The following TRIM69 variants were observed in gnomAD, a reference collection of about 807,000 sequenced individuals.
TRIM69 encodes E3 ubiquitin-protein ligase TRIM69.
TRIM69 carries 29 observed loss-of-function variants against 37.7 expected under a neutral mutation model. The observed-to-expected ratio is 0.77, with a 90% CI of 0.57 to 1.05. The LOEUF (loss-of-function observed/expected upper bound fraction) is 1.05. TRIM69 is among the 50% of genes least tolerant of loss of function. The probability of loss-of-function intolerance (pLI) is 0.00; values close to 1 mark genes in which losing one functional copy is unlikely to be tolerated. For synonymous variants in TRIM69, 209 were observed against 212.4 expected (o/e 0.98, Z 0.14); for missense variants, 596 against 579.9 (o/e 1.03, Z -0.28).
intron 6 of TRIM69, among the ~76,000 whole-genome samples, chr15:44,761,456 T>C (rs943107880): frequency 6.6e-6 from 1 of 152,136 alleles, no homozygotes; most frequent in Non-Finnish European, 1.5e-5. Context: ...GGTTTTAATT[T>C]GTATATCTCT....
chr15:44,759,943 G>A, intron 6 of TRIM69, 71 bp downstream of exon 6: 1 of 1,541,504 alleles, frequency 6.5e-7, no homozygotes. Context: ...CTTCTTCTGT[G>A]GCCCTAATTA....
At chr15:44,758,961 A>C in intron 4 of TRIM69, 107 bp downstream of exon 4, 9 of 1,336,100 alleles carry the variant, frequency 6.7e-6, no homozygotes, top group Non-Finnish European at 9.1e-6. Context: ...AAACAAAACA[A>C]AACAAAACAA....
intron 6 of TRIM69, among the ~76,000 whole-genome samples, chr15:44,762,913 G>A (rs2087808011): frequency 2.0e-5 from 3 of 151,808 alleles, no homozygotes; most frequent in Admixed American, 1.3e-4. Context: ...TCTTTTTAAT[G>A]GGCTTTATTT....
intron 2 of TRIM69, among the ~76,000 whole-genome samples, chr15:44,755,653 G>T (rs1405222131): frequency 6.6e-6 from 1 of 152,192 alleles, no homozygotes; most frequent in East Asian, 1.9e-4. Context: ...AATATGGATA[G>T]ATAAGATATT....
intron 1 of TRIM69, among the ~76,000 whole-genome samples, chr15:44,743,861 C>G (rs1457443899): frequency 1.3e-5 from 2 of 152,160 alleles, no homozygotes; most frequent in African/African-American, 2.4e-5. Flanking sequence ...GTTGGTGGGA[C>G]TGTAAACTAG....
intron 1 of TRIM69, chr15:44,754,592 G>T (rs1596027690): frequency 3.2e-6 from 1 of 312,280 alleles, no homozygotes; most frequent in Non-Finnish European, 5.9e-6. Context: ...TAGAGCAGAA[G>T]TTGAAAAATA....
At chr15:44,755,469 T>A (rs889265413) in intron 2 of TRIM69, 93 bp downstream of exon 2, 11 of 946,548 alleles carry the variant, frequency 1.2e-5, no homozygotes, top group Non-Finnish European at 1.6e-6. Context: ...ATCCCTTTAT[T>A]CAAATGATGA....
intron 2 of TRIM69, 76 bp downstream of exon 2, chr15:44,755,452 C>A: frequency 9.6e-7 from 1 of 1,043,198 alleles, no homozygotes; most frequent in African/African-American, 1.6e-5. Flanking sequence ...TTCTTTCTTC[C>A]AACCCCATCC....
At chr15:44,745,963 T>C (rs138758527) in intron 1 of TRIM69, among the ~76,000 whole-genome samples, 50 of 152,218 alleles carry the variant, frequency 3.3e-4, no homozygotes, top group African/African-American at 1.2e-3. Flanking sequence ...ACAGAAAGAA[T>C]GCTTAAGGAA....
chr15:44,740,209 T>C (rs7183362), intron 1 of TRIM69, among the ~76,000 whole-genome samples: 2,794 of 152,162 alleles, frequency 0.018, 84 homozygotes, highest in African/African-American at 0.062. Flanking sequence ...AGAAAGGACA[T>C]CCATACCAAA....
intron 1 of TRIM69, among the ~76,000 whole-genome samples, chr15:44,744,019 T>C (rs575471859): frequency 2.0e-5 from 3 of 152,000 alleles, no homozygotes; most frequent in Admixed American, 6.6e-5. Flanking sequence ...ATGTTTATTG[T>C]GGCACTATTC....
chr15:44,755,741 G>A (rs7177746), intron 2 of TRIM69, among the ~76,000 whole-genome samples: 5 of 152,164 alleles, frequency 3.3e-5, no homozygotes, highest in Admixed American at 1.3e-4. Flanking sequence ...AGATAGCCTC[G>A]TGTTAAAAGT....
intron 1 of TRIM69, among the ~76,000 whole-genome samples, chr15:44,737,767 T>A (rs1487890163): frequency 6.6e-6 from 1 of 152,216 alleles, no homozygotes; most frequent in Non-Finnish European, 1.5e-5. Context: ...GGATGAACTG[T>A]ATTTTTCTGC....
intron 4 of TRIM69, 48 bp downstream of exon 4, chr15:44,758,902 G>C: frequency 5.1e-6 from 8 of 1,567,160 alleles, no homozygotes; most frequent in Non-Finnish European, 6.9e-6. Flanking sequence ...TACCTAGAGG[G>C]GGGAAGAGGT....
intron 6 of TRIM69, 71 bp from the exon 7 acceptor site, chr15:44,767,160 A>G (rs928895050): frequency 1.4e-5 from 18 of 1,308,290 alleles, no homozygotes; most frequent in African/African-American, 1.3e-4. Flanking sequence ...ATGAAATACT[A>G]TCTTTTACTG....
chr15:44,758,905 G>A, intron 4 of TRIM69, 51 bp downstream of exon 4: 2 of 1,563,528 alleles, frequency 1.3e-6, no homozygotes, highest in Non-Finnish European at 1.7e-6. Context: ...CTAGAGGGGG[G>A]AAGAGGTTTG....
At chr15:44,765,773 AAAC>A (rs907810385) in intron 6 of TRIM69, among the ~76,000 whole-genome samples, 4 of 1,906 alleles carry the variant, frequency 2.1e-3, no homozygotes, top group Non-Finnish European at 0.013. Flanking sequence ...AAAACAAAAC[AAAC>A]AAACAAACAA....
At chr15:44,765,614 C>T (rs540749531) in intron 6 of TRIM69, among the ~76,000 whole-genome samples, 156 of 133,608 alleles carry the variant, frequency 1.2e-3, no homozygotes, top group African/African-American at 4.3e-3. Flanking sequence ...ATCAGCTGAG[C>T]GTGGTGGTGC....
At position 44,755,375 on chromosome 15, in the gene TRIM69, C is replaced by T. The variant is rs3100139; in HGVS notation, c.482C>T (p.Thr161Met). The change falls in exon 2 of 7, where the codon ACG becomes ATG. Residue 161 changes from threonine to methionine, a missense_variant and splice_region_variant. Coordinates refer to ENST00000329464, the MANE Select transcript of TRIM69 (RefSeq NM_182985.5). ...LQISDAVHFF[T>M]EELAIQQGQL... ...ATCTCTGATGCTGTCCATTTCTTCACGGTGGGTGAGCCCTGGGCCTTGAAC... is the reference window on the plus strand; with the variant it reads ...ATCTCTGATGCTGTCCATTTCTTCATGGTGGGTGAGCCCTGGGCCTTGAAC... 1,321,269 of 1,609,940 alleles carry T rather than the reference C, an allele frequency of 0.82. 544,858 individuals carry two copies. Among genetic ancestry groups the T allele is most frequent in the Non-Finnish European group, 0.84 (990,214 of 1,177,556 alleles).
Sources: gnomAD v4.1 joint callset for allele counts (sites outside exome capture counted in the v4.1 genomes callset) on GRCh38, gnomAD v4.1.1 for gene constraint, MANE v1.5 for transcripts, NCBI Gene and HGNC (gene_info 2026-07-23, HGNC 2026-07-21) for gene names.